Variants in PGBD2 observed in about 807,000 individuals in gnomAD.
PGBD2 encodes the protein piggyBac transposable element derived 2.
In PGBD2, 6 loss-of-function variants were observed where a neutral mutation model predicts 8.1. The ratio of observed to expected loss-of-function variants is 0.74; its 90% CI spans 0.40 to 1.46. The LOEUF (loss-of-function observed/expected upper bound fraction) is 1.46, where lower values mean the gene tolerates loss of function less well. PGBD2 is among the 40% of genes most tolerant of loss of function. The pLI, the probability that PGBD2 is intolerant of heterozygous loss-of-function variation, is 0.02. For synonymous variants in PGBD2, 318 were observed against 272.2 expected (o/e 1.17, Z -1.66); for missense variants, 802 against 739.0 (o/e 1.09, Z -0.99).
Position 248,907,273 on chromosome 1 carries a change from A to T in PGBD2, c.-48+931A>T, listed in dbSNP as rs561609644. Among the ~76,000 whole-genome samples, 12 of 152,360 alleles carry T rather than the reference A, an allele frequency of 7.9e-5. No individual in the cohort carries two copies. The South Asian group carries it at 2.5e-3, about 32-fold the overall frequency. On this transcript the variant is annotated intron_variant, in intron 1 of 2. Coordinates refer to ENST00000329291, the MANE Select transcript of PGBD2 (RefSeq NM_170725.3). ...TCTCTCTGCCCAAACATTTCAGTGGAATAAAGAATAACAGGGCAGCATTGC... is the reference window on the plus strand; with the variant it reads ...TCTCTCTGCCCAAACATTTCAGTGGTATAAAGAATAACAGGGCAGCATTGC...
rs562311955 is a variant in PGBD2, at chr1:248,917,391, C to T, written c.807C>T (p.Gly269=). The T allele has an allele frequency of 3.9e-5, 63 of 1,614,080 alleles. 1 individual carries two copies. The East Asian group carries it at 9.6e-4, about 25-fold the overall frequency. ...HAPLEEFYSF[G]ESMCEYFGHR... ...CCTTGGAAGAGTTCTACAGCTTTGG[C>T]GAGTCTATGTGTGAGTACTTTGGGC... Residue 269 remains glycine, a synonymous_variant, in exon 3 of 3, where the codon GGC becomes GGT. Transcript: ENST00000329291.
rs1572281873 is a variant in PGBD2, at chr1:248,917,832, C to T, written c.1248C>T (p.Ser416=). The change falls in exon 3 of 3, where the codon AGC becomes AGT. Residue 416 remains serine, a synonymous_variant. Coordinates refer to ENST00000329291, the MANE Select transcript of PGBD2 (RefSeq NM_170725.3). ...TCATCGTGTGCCGCTGGCACGATAG[C>T]AGCGTGGTCAACATTTGCTCCAATG... ...EEIIVCRWHD[S]SVVNICSNAV... 1.2e-6 allele frequency: 2 copies of T among 1,614,182 alleles called. No homozygotes were observed. The highest frequency in any genetic ancestry group is 1.7e-6 in the Non-Finnish European group (2 of 1,180,044).
At chr1:248,914,490 C>T in intron 2 of PGBD2, 1 of 1,288,800 alleles carries the variant, frequency 7.8e-7, no homozygotes, top group Non-Finnish European at 1.0e-6. Flanking sequence ...TGGCAGCTGA[C>T]AGTCAGTCTC....
the PGBD2 span, among the ~76,000 whole-genome samples, chr1:248,890,488 T>G: frequency 6.6e-6 from 1 of 152,130 alleles, no homozygotes; most frequent in East Asian, 1.9e-4. Flanking sequence ...TTAGGCTGCC[T>G]GGCTCCTGAC....
chr1:248,874,289 C>T, the PGBD2 span, among the ~76,000 whole-genome samples: 21 of 152,134 alleles, frequency 1.4e-4, no homozygotes, highest in Admixed American at 5.2e-4. Context: ...CTCTCACCGC[C>T]GCGGCCCGGG....
the PGBD2 span, among the ~76,000 whole-genome samples, chr1:248,888,930 T>C: frequency 6.6e-6 from 1 of 152,150 alleles, no homozygotes; most frequent in Non-Finnish European, 1.5e-5. Context: ...GAAGTAGGAG[T>C]CTAATTTCAT....
chr1:248,883,022 G>T, the PGBD2 span, among the ~76,000 whole-genome samples: 1 of 152,174 alleles, frequency 6.6e-6, no homozygotes, highest in Non-Finnish European at 1.5e-5. Context: ...TTGTCAATTT[G>T]TATATAGCTA....
chr1:248,924,734 G>A (rs1381682574), downstream of PGBD2, among the ~76,000 whole-genome samples: 5 of 152,180 alleles, frequency 3.3e-5, no homozygotes, highest in Admixed American at 3.3e-4. Context: ...GAGAAAACTG[G>A]TTGATGCCTC....
the PGBD2 span, among the ~76,000 whole-genome samples, chr1:248,895,292 G>A: frequency 6.6e-6 from 1 of 152,206 alleles, no homozygotes; most frequent in Non-Finnish European, 1.5e-5. Context: ...CCCACAGAGT[G>A]CTAGGCCTCC....
the PGBD2 span, among the ~76,000 whole-genome samples, chr1:248,881,631 T>A: frequency 6.6e-6 from 1 of 152,368 alleles, no homozygotes; most frequent in East Asian, 1.9e-4. Flanking sequence ...GGCATTTTAG[T>A]TGAGACTTTA....
rs1198832975 is a variant in PGBD2, at chr1:248,916,800, C to G, written c.216C>G (p.Gly72=). The part of the protein sequence containing the change: ...EDSQRGAHLP[G]SVLHASVLCE... ...GCCAGCGAGGTGCTCACCTACCTGGCAGTGTGCTGCATGCTTCAGTCCTGT... is the reference window on the plus strand; with the variant it reads ...GCCAGCGAGGTGCTCACCTACCTGGGAGTGTGCTGCATGCTTCAGTCCTGT... The change falls in exon 3 of 3, where the codon GGC becomes GGG. Residue 72 remains glycine, a synonymous_variant. Transcript: ENST00000329291. 1 of 1,614,180 alleles carries G rather than the reference C, an allele frequency of 6.2e-7. No homozygotes were observed. Among genetic ancestry groups the G allele is most frequent in the Admixed American group, 1.7e-5 (1 of 60,026 alleles).
At position 248,917,222 on chromosome 1, in the gene PGBD2, C is replaced by T. The variant is rs570302183; in HGVS notation, c.638C>T (p.Ala213Val). 1.8e-5 allele frequency: 29 copies of T among 1,614,078 alleles called. No individual in the cohort carries two copies. The South Asian group carries it at 3.0e-4, about 16-fold the overall frequency. Residue 213 changes from alanine to valine, a missense_variant, in exon 3 of 3, where the codon GCT becomes GTT. Ala to Val is a moderately conservative substitution (Grantham distance 64). Coordinates refer to ENST00000329291, the MANE Select transcript of PGBD2 (RefSeq NM_170725.3). ...TSPDSHHHLV[A>V]DAIRRDRFEL... ...CCCGATTCACATCATCATCTTGTGG[C>T]TGATGCAATTAGAAGGGACAGATTT... is the stretch of plus-strand genomic sequence containing the variant.
In PGBD2 at chr1:248,917,796, G is replaced by A. The variant is rs1451688178; in HGVS notation, c.1212G>A (p.Glu404=). ...KRGSFDYKVD[E]SEEIIVCRWH... ...GTTCATTTGATTACAAAGTCGATGA[G>A]AGTGAGGAGATCATCGTGTGCCGCT... Residue 404 remains glutamate, a synonymous_variant, in exon 3 of 3, where the codon GAG becomes GAA. Transcript: ENST00000329291. The A allele has an allele frequency of 6.2e-7, 1 of 1,614,082 alleles. No individual in the cohort carries two copies. The highest frequency in any genetic ancestry group is 1.3e-5 in the African/African-American group (1 of 74,928).
chr1:248,879,361 A>C, the PGBD2 span, among the ~76,000 whole-genome samples: 1 of 152,038 alleles, frequency 6.6e-6, no homozygotes, highest in African/African-American at 2.4e-5. Flanking sequence ...AATTCATCTA[A>C]TTATCTATTA....
At chr1:248,882,753 C>A in the PGBD2 span, among the ~76,000 whole-genome samples, 1 of 152,214 alleles carries the variant, frequency 6.6e-6, no homozygotes, top group African/African-American at 2.4e-5. Context: ...CCTGACCGCA[C>A]GTCCATTCAT....
chr1:248,898,386 C>T, the PGBD2 span, among the ~76,000 whole-genome samples: 7 of 152,226 alleles, frequency 4.6e-5, no homozygotes, highest in Non-Finnish European at 1.0e-4. Context: ...GCTCTCCTGA[C>T]CTCATGATCC....
chr1:248,917,362 G>A lies in PGBD2; in HGVS notation c.778G>A (p.Ala260Thr). 1 of 1,614,174 alleles carries A rather than the reference G, an allele frequency of 6.2e-7. No homozygotes were observed. The change falls in exon 3 of 3, where the codon GCA becomes ACA. Residue 260 changes from alanine to threonine, a missense_variant. Physicochemically the swap from Ala to Thr is moderately conservative, Grantham distance 58. Coordinates refer to ENST00000329291, the MANE Select transcript of PGBD2 (RefSeq NM_170725.3). The part of the protein sequence containing the change: ...IRMNCNFQKH[A>T]PLEEFYSFGE... Reference sequence around the variant, plus strand: ...GATGAACTGCAATTTCCAGAAGCATGCACCCTTGGAAGAGTTCTACAGCTT... The same window carrying A: ...GATGAACTGCAATTTCCAGAAGCATACACCCTTGGAAGAGTTCTACAGCTT...
Position 248,917,300 on chromosome 1 carries a change from G to T in PGBD2, c.716G>T (p.Ser239Ile). The stretch of plus-strand genomic sequence containing the variant: ...GCAGATAACAACGAACTTGATGCAA[G>T]TGATAGGTTTGCCAAGGTCAGACCT... Reference protein sequence around the residue: ...HFADNNELDASDRFAKVRPLI... With the variant: ...HFADNNELDAIDRFAKVRPLI... The change falls in exon 3 of 3, where the codon AGT becomes ATT. Residue 239 changes from serine (S) to isoleucine (I), a missense_variant. Transcript: ENST00000329291. 6.2e-7 allele frequency: 1 copy of T among 1,614,190 alleles called. No homozygotes were observed. Among genetic ancestry groups the T allele is most frequent in the Non-Finnish European group, 8.5e-7 (1 of 1,180,038 alleles).
the PGBD2 span, among the ~76,000 whole-genome samples, chr1:248,880,936 G>A: frequency 3.9e-5 from 6 of 152,094 alleles, no homozygotes; most frequent in African/African-American, 1.2e-4. Flanking sequence ...TCATTATTTA[G>A]CATTATGATG....
Sources: gnomAD v4.1 joint callset for allele counts (sites outside exome capture counted in the v4.1 genomes callset) on GRCh38, gnomAD v4.1.1 for gene constraint, MANE v1.5 for transcripts, NCBI Gene and HGNC (gene_info 2026-07-23, HGNC 2026-07-21) for gene names.